The following HS3ST3B1 variants were observed in gnomAD, a reference collection of about 807,000 sequenced individuals.
HS3ST3B1 encodes the protein heparan sulfate glucosamine 3-O-sulfotransferase 3B1.
In HS3ST3B1, 13 loss-of-function variants were observed where a neutral mutation model predicts 21.3. That is an observed-to-expected ratio of 0.61 (90% confidence interval 0.40 to 0.97). The LOEUF is 0.97. Among genes scored for constraint, HS3ST3B1 ranks in the 50% least tolerant of loss-of-function variants. The probability of loss-of-function intolerance (pLI) is 0.00; values close to 1 mark genes in which losing one functional copy is unlikely to be tolerated. For missense variants in HS3ST3B1, 459 were observed against 554.8 expected, an observed-to-expected ratio of 0.83 and a Z score of 1.73; for synonymous variants, 234 against 254.8, an observed-to-expected ratio of 0.92 and a Z score of 0.78.
chr17:14,315,322 C>T (rs9905919), intron 1 of HS3ST3B1, among the ~76,000 whole-genome samples: 2,399 of 152,334 alleles, frequency 0.016, 67 homozygotes, highest in African/African-American at 0.05. Context: ...ACAGAGCATG[C>T]CGTGTGCCTC....
At chr17:14,341,171 CA>C (rs1291105325) in intron 1 of HS3ST3B1, among the ~76,000 whole-genome samples, 1 of 152,204 alleles carries the variant, frequency 6.6e-6, no homozygotes, top group African/African-American at 2.4e-5. Context: ...GTTTCCTATA[CA>C]CAATTGCCGA....
intron 1 of HS3ST3B1, among the ~76,000 whole-genome samples, chr17:14,313,065 C>A (rs374901993): frequency 3.4e-5 from 4 of 116,088 alleles, no homozygotes; most frequent in African/African-American, 1.3e-4. Flanking sequence ...CCACACCACA[C>A]CCAGCTAATT....
chr17:14,304,496 T>C (rs140595960), intron 1 of HS3ST3B1: 23 of 152,382 alleles, frequency 1.5e-4, no homozygotes, highest in African/African-American at 5.3e-4. Context: ...GGCAAAGGTA[T>C]GGACGTCACA....
At chr17:14,311,559 G>A (rs377571798) in intron 1 of HS3ST3B1, among the ~76,000 whole-genome samples, 2 of 152,316 alleles carry the variant, frequency 1.3e-5, no homozygotes, top group East Asian at 1.9e-4. Context: ...AGGGTCCGTA[G>A]GTTTACATTA....
chr17:14,328,092 G>A (rs1909871820), intron 1 of HS3ST3B1: 1 of 152,188 alleles, frequency 6.6e-6, no homozygotes. Context: ...GAACGGGAAT[G>A]CTTTGTCTAA....
chr17:14,341,654 C>T (rs1351947318), intron 1 of HS3ST3B1, among the ~76,000 whole-genome samples: 1 of 152,088 alleles, frequency 6.6e-6, no homozygotes, highest in East Asian at 1.9e-4. Context: ...GCCTGACTTC[C>T]AAGCCCAGGC....
chr17:14,331,838 A>G (rs1910023560), intron 1 of HS3ST3B1, among the ~76,000 whole-genome samples: 1 of 152,142 alleles, frequency 6.6e-6, no homozygotes, highest in Non-Finnish European at 1.5e-5. Context: ...GGGCCTTTGA[A>G]GGGAGTTCTC....
intron 1 of HS3ST3B1, among the ~76,000 whole-genome samples, chr17:14,330,788 G>A (rs1160786860): frequency 1.4e-4 from 22 of 152,142 alleles, no homozygotes; most frequent in Non-Finnish European, 1.5e-5. Flanking sequence ...AAAGAGAATT[G>A]CAAGCTGCTT....
intron 1 of HS3ST3B1, among the ~76,000 whole-genome samples, chr17:14,315,504 G>A (rs902846990): frequency 3.3e-5 from 5 of 152,136 alleles, no homozygotes; most frequent in African/African-American, 1.2e-4. Flanking sequence ...ACTTTGAGAT[G>A]CGCTATTCCA....
Position 14,348,690 on chromosome 17 carries a change from T to C in HS3ST3B1, c.*3044T>C, listed in dbSNP as rs967112637. 6.6e-6 allele frequency: 1 copy of C among 152,214 alleles called. No homozygotes were observed. The highest frequency in any genetic ancestry group is 2.4e-5 in the African/African-American group (1 of 41,462). The allele number at this position is 152,214 out of a possible 1,614,324, so 9.4% of individuals were successfully genotyped here. On this transcript the variant is annotated 3_prime_UTR_variant, in exon 2 of 2. Transcript: ENST00000360954. ...CCGATTTACACGAAAAGCTCTGATA[T>C]TCATTGGAGTACTTTATTTTTTTTC... is the stretch of plus-strand genomic sequence containing the variant.
intron 1 of HS3ST3B1, among the ~76,000 whole-genome samples, chr17:14,315,339 T>C (rs1401196619): frequency 6.6e-6 from 1 of 152,244 alleles, no homozygotes; most frequent in Non-Finnish European, 1.5e-5. Flanking sequence ...CCTCCTGCCA[T>C]ACAATTAGCA....
In HS3ST3B1 at chr17:14,303,355, G is replaced by A. The variant is rs1597584025; in HGVS notation, c.554+1283G>A. Among the ~76,000 whole-genome samples the A allele has an allele frequency of 6.6e-6, 1 of 152,138 alleles. No individual in the cohort carries two copies. The highest frequency in any genetic ancestry group is 6.5e-5 in the Admixed American group (1 of 15,268). On this transcript the variant is annotated intron_variant, in intron 1 of 1. Transcript: ENST00000360954. This position sits in a 1 kb window ranked among gnomAD's most constrained non-coding sequence, Gnocchi z 5.7. ...CTGGGTGGGTTGGAGAATAAAAGAGGGCTGACCCCGCGGATTAAAACGGCT... is the reference window on the plus strand; with the variant it reads ...CTGGGTGGGTTGGAGAATAAAAGAGAGCTGACCCCGCGGATTAAAACGGCT...
At chr17:14,344,515 T>A (rs1990203) in intron 1 of HS3ST3B1, among the ~76,000 whole-genome samples, 123,787 of 152,116 alleles carry the variant, frequency 0.81, 50,803 homozygotes, top group East Asian at 0.99. Flanking sequence ...AGTCACTGTG[T>A]TAAAGCCGGA....
At chr17:14,326,936 AAAAAAAAAAAG>A (rs1909837332) in intron 1 of HS3ST3B1, among the ~76,000 whole-genome samples, 1 of 151,248 alleles carries the variant, frequency 6.6e-6, no homozygotes, top group Non-Finnish European at 1.5e-5. Context: ...AAAAAAAAAA[AAAAAAAAAAAG>A]AAGAAGAAGA....
intron 1 of HS3ST3B1, among the ~76,000 whole-genome samples, chr17:14,306,084 C>A (rs1198136667): frequency 6.6e-6 from 1 of 152,174 alleles, no homozygotes; most frequent in East Asian, 1.9e-4. Flanking sequence ...ACTGAGTTTG[C>A]TTTAGAAGAG....
intron 1 of HS3ST3B1, chr17:14,328,931 G>T (rs1300476188): frequency 6.6e-6 from 1 of 152,158 alleles, no homozygotes; most frequent in Non-Finnish European, 1.5e-5. Flanking sequence ...GATAACGGGG[G>T]TTTATTTGCA....
At chr17:14,312,125 C>T (rs913564217) in intron 1 of HS3ST3B1, among the ~76,000 whole-genome samples, 1 of 152,040 alleles carries the variant, frequency 6.6e-6, no homozygotes, top group African/African-American at 2.4e-5. Context: ...TCTTAGCCTC[C>T]GTATGCAAGA....
chr17:14,334,206 G>T (rs562857342), intron 1 of HS3ST3B1, among the ~76,000 whole-genome samples: 2 of 152,184 alleles, frequency 1.3e-5, no homozygotes, highest in East Asian at 1.9e-4. Flanking sequence ...TGAAAAGTTT[G>T]GGGGAGCCTG....
rs141377361 is a variant in HS3ST3B1 at position 14,343,303 on chromosome 17, C to G, written c.555-1725C>G. 6.2e-3 allele frequency among the ~76,000 whole-genome samples: 947 copies of G among 152,106 alleles called. 10 individuals are homozygous for G. Among genetic ancestry groups the G allele is most frequent in the African/African-American group, 0.02 (814 of 41,532 alleles). On this transcript the variant is annotated intron_variant, in intron 1 of 1. Transcript: ENST00000360954. Reference sequence around the variant, plus strand: ...AAGCAAATTAACATATCCATCACCTCACCAACTTATCATTTTTTGTGTGTG... The same window carrying G: ...AAGCAAATTAACATATCCATCACCTGACCAACTTATCATTTTTTGTGTGTG...
Sources: allele counts gnomAD v4.1 joint callset (sites outside exome capture counted in the v4.1 genomes callset), GRCh38; gene constraint gnomAD v4.1.1; non-coding constraint Gnocchi (gnomAD v3.1); transcripts MANE v1.5; gene names NCBI Gene and HGNC (gene_info 2026-07-23, HGNC 2026-07-21).